Variants in USP32 observed in about 807,000 individuals in gnomAD.
The protein encoded by USP32 is ubiquitin specific peptidase 32.
In USP32, 59 loss-of-function variants were observed where a neutral mutation model predicts 204.8. The ratio of observed to expected loss-of-function variants is 0.29; its 90% CI spans 0.23 to 0.36. The LOEUF is 0.36. USP32 is among the 10% of genes least tolerant of loss of function. The pLI is 1.00. For missense variants in USP32, 1,160 were observed against 1,946.4 expected, an observed-to-expected ratio of 0.60 and a Z score of 7.60; for synonymous variants, 517 against 678.4, an observed-to-expected ratio of 0.76 and a Z score of 3.70.
intron 1 of USP32, among the ~76,000 whole-genome samples, chr17:60,420,824 T>C (rs937654088): frequency 2.0e-5 from 3 of 152,230 alleles, no homozygotes; most frequent in African/African-American, 4.8e-5. Flanking sequence ...TCTATGCATA[T>C]ATAAATATAT....
intron 5 of USP32, among the ~76,000 whole-genome samples, chr17:60,280,342 C>T (rs7224757): frequency 6.6e-6 from 1 of 152,040 alleles, no homozygotes; most frequent in Non-Finnish European, 1.5e-5. Flanking sequence ...GGTAATCCAC[C>T]CACCTCAGCC....
intron 5 of USP32, among the ~76,000 whole-genome samples, chr17:60,287,383 T>C (rs2087142729): frequency 6.6e-6 from 1 of 152,210 alleles, no homozygotes; most frequent in African/African-American, 2.4e-5. Context: ...CTCCATGTAT[T>C]GATTTACGAT....
chr17:60,268,783 C>T (rs2086661242), intron 7 of USP32, among the ~76,000 whole-genome samples: 1 of 152,048 alleles, frequency 6.6e-6, no homozygotes, highest in Non-Finnish European at 1.5e-5. Flanking sequence ...CATAGTACAA[C>T]AGTACTAAAT....
intron 29 of USP32, among the ~76,000 whole-genome samples, chr17:60,189,738 C>A (rs1282457724): frequency 6.6e-6 from 1 of 152,152 alleles, no homozygotes; most frequent in Non-Finnish European, 1.5e-5. Flanking sequence ...ACATTTCAAT[C>A]CTTTCTGTAA....
intron 4 of USP32, among the ~76,000 whole-genome samples, chr17:60,288,897 G>C (rs1223497927): frequency 6.6e-6 from 1 of 152,164 alleles, no homozygotes; most frequent in Admixed American, 6.5e-5. Flanking sequence ...CATAAAATCT[G>C]TATGTTAACT....
At chr17:60,402,067 GT>G (rs968409950) in intron 1 of USP32, among the ~76,000 whole-genome samples, 1 of 152,046 alleles carries the variant, frequency 6.6e-6, no homozygotes, top group Admixed American at 6.6e-5. Context: ...GAAAACAAAG[GT>G]GGGCAAAGTG....
chr17:60,258,839 A>G (rs936092100), intron 9 of USP32, among the ~76,000 whole-genome samples: 1 of 152,188 alleles, frequency 6.6e-6, no homozygotes, highest in Non-Finnish European at 1.5e-5. Context: ...GTTCCATCTC[A>G]TGCAGCATAT....
At chr17:60,343,119 G>T (rs950782535) in intron 2 of USP32, among the ~76,000 whole-genome samples, 2 of 152,152 alleles carry the variant, frequency 1.3e-5, no homozygotes, top group Non-Finnish European at 2.9e-5. Flanking sequence ...AAATATATAT[G>T]CACCCAATAC....
intron 2 of USP32, among the ~76,000 whole-genome samples, chr17:60,330,802 A>T (rs1255571730): frequency 6.6e-6 from 1 of 152,114 alleles, no homozygotes; most frequent in Non-Finnish European, 1.5e-5. Flanking sequence ...ATATAACTTC[A>T]TATCATAAGG....
At chr17:60,414,973 T>A (rs2090049188) in intron 1 of USP32, among the ~76,000 whole-genome samples, 1 of 152,126 alleles carries the variant, frequency 6.6e-6, no homozygotes, top group Non-Finnish European at 1.5e-5. Context: ...TACCTCAGCC[T>A]CCTGAGTAGC....
intron 1 of USP32, among the ~76,000 whole-genome samples, chr17:60,350,896 T>A (rs558531499): frequency 1.4e-5 from 2 of 148,010 alleles, no homozygotes; most frequent in East Asian, 3.9e-4. Flanking sequence ...AGCTATTGAA[T>A]TTTTTTTTTT....
intron 1 of USP32, among the ~76,000 whole-genome samples, chr17:60,420,201 C>T (rs377134435): frequency 1.3e-5 from 2 of 151,422 alleles, no homozygotes; most frequent in East Asian, 3.9e-4. Flanking sequence ...GCCATGTTGG[C>T]CAGGCTGGTC....
At chr17:60,325,783 C>T (rs895118285) in intron 2 of USP32, among the ~76,000 whole-genome samples, 1 of 151,678 alleles carries the variant, frequency 6.6e-6, no homozygotes, top group Non-Finnish European at 1.5e-5. Context: ...CAAAAATTAG[C>T]CAGGCATTTG....
At chr17:60,256,116 A>AT (rs1277328289) in intron 9 of USP32, among the ~76,000 whole-genome samples, 1 of 152,108 alleles carries the variant, frequency 6.6e-6, no homozygotes, top group East Asian at 1.9e-4. Context: ...AGGCAAGAGG[A>AT]TCGCTTGAGC....
At chr17:60,335,860 TTAAG>T (rs1429579615) in intron 2 of USP32, among the ~76,000 whole-genome samples, 1 of 143,288 alleles carries the variant, frequency 7.0e-6, no homozygotes, top group Non-Finnish European at 1.5e-5. Flanking sequence ...CAAATTCTGA[TTAAG>T]TTTTATCAGC....
At chr17:60,192,032 C>T (rs373071780) in intron 28 of USP32, among the ~76,000 whole-genome samples, 16 of 152,148 alleles carry the variant, frequency 1.1e-4, no homozygotes, top group African/African-American at 3.4e-4. Context: ...TGGTGGCTCA[C>T]ACCTATAATC....
At chr17:60,356,455 CA>C (rs1314318761) in intron 1 of USP32, among the ~76,000 whole-genome samples, 1 of 152,096 alleles carries the variant, frequency 6.6e-6, no homozygotes, top group Non-Finnish European at 1.5e-5. Context: ...AGCAGAGTTG[CA>C]AACTGACTGT....
At position 60,294,707 on chromosome 17, in the gene USP32, A is replaced by G; in HGVS notation, c.387T>C (p.Asp129=). The G allele has an allele frequency of 1.9e-6, 3 of 1,611,118 alleles. No homozygotes were observed. Among genetic ancestry groups the G allele is most frequent in the Non-Finnish European group, 2.5e-6 (3 of 1,177,598 alleles). The change falls in exon 4 of 34, where the codon GAT becomes GAC. Residue 129 remains aspartate, a synonymous_variant. Coordinates refer to ENST00000300896, the MANE Select transcript of USP32 (RefSeq NM_032582.4). Reference sequence around the variant, plus strand: ...CCTCTGAGAAACACTTCCTGAGTGTATCTGGGACTTTACCATCCACCACGT... The same window carrying G: ...CCTCTGAGAAACACTTCCTGAGTGTGTCTGGGACTTTACCATCCACCACGT... The part of the protein sequence containing the change: ...MLHVVDGKVP[D]TLRKCFSEGE...
At chr17:60,202,346 C>T (rs1011290596) in intron 26 of USP32, among the ~76,000 whole-genome samples, 2 of 151,834 alleles carry the variant, frequency 1.3e-5, no homozygotes, top group African/African-American at 2.4e-5. Context: ...GGATGATATC[C>T]AATCTTGATG....
Sources: gnomAD v4.1 joint callset for allele counts (sites outside exome capture counted in the v4.1 genomes callset) on GRCh38, gnomAD v4.1.1 for gene constraint, MANE v1.5 for transcripts, NCBI Gene and HGNC (gene_info 2026-07-23, HGNC 2026-07-21) for gene names.